HHIPL1: variants seen among roughly 807,000 people sequenced by gnomAD.
HHIPL1 encodes HHIP-like protein 1.
In HHIPL1, 43 loss-of-function variants were observed where a neutral mutation model predicts 61.8. The observed-to-expected ratio is 0.70, with a 90% CI of 0.55 to 0.90. HHIPL1 has a LOEUF of 0.90. Among genes scored for constraint, HHIPL1 ranks in the 40% least tolerant of loss-of-function variants. The pLI is 0.00. For synonymous variants in HHIPL1, 482 were observed against 515.8 expected (o/e 0.93, Z 0.89); for missense variants, 1,056 against 1,157.7 (o/e 0.91, Z 1.28).
rs2056406273 is a variant in HHIPL1, at chr14:99,677,872, A to C, written c.*2246A>C. 1 of 151,860 alleles carries C rather than the reference A, an allele frequency of 6.6e-6. No individual in the cohort carries two copies. Among genetic ancestry groups the C allele is most frequent in the African/African-American group, 2.4e-5 (1 of 41,270 alleles). The allele number at this position is 151,860 out of a possible 1,614,324, so 9.4% of individuals were successfully genotyped here. On this transcript the variant is annotated 3_prime_UTR_variant, in exon 9 of 9. Coordinates refer to ENST00000330710, the MANE Select transcript of HHIPL1 (RefSeq NM_001127258.3). The surrounding 1 kb of genome is among the most constrained non-coding windows in gnomAD (Gnocchi z 4.3). ...CTTCCTCCCCAGCCTCCAACTCATCACCTCTCAGGCCCCAAACCAGGCCTG... is the reference window on the plus strand; with the variant it reads ...CTTCCTCCCCAGCCTCCAACTCATCCCCTCTCAGGCCCCAAACCAGGCCTG...
chr14:99,634,347 C>T, the HHIPL1 span, among the ~76,000 whole-genome samples: 45 of 152,262 alleles, frequency 3.0e-4, no homozygotes, highest in Middle Eastern at 6.8e-3. Flanking sequence ...TGAGGAAGTC[C>T]CCCGTGACGG....
the HHIPL1 span, among the ~76,000 whole-genome samples, chr14:99,607,011 G>A: frequency 1.4e-5 from 2 of 140,118 alleles, no homozygotes; most frequent in Non-Finnish European, 3.1e-5. Context: ...AAATGTCAAC[G>A]TGACTTTGCC....
the HHIPL1 span, among the ~76,000 whole-genome samples, chr14:99,638,963 C>T: frequency 6.6e-6 from 1 of 152,272 alleles, no homozygotes; most frequent in African/African-American, 2.4e-5. Flanking sequence ...ATAGCCAAGT[C>T]AGAGCATTTG....
chr14:99,660,132 AGCCCTGCTGTGGGCACGCC>A lies in HHIPL1; in HGVS notation c.1376-147_1376-129del. Reference sequence around the variant, plus strand: ...CTGCAGACACGCTTTCCACCACGCCAGCCCTGCTGTGGGCACGCCAGCCCTGCTGTGGGCACGCCCCTCC... The same window carrying A: ...CTGCAGACACGCTTTCCACCACGCCAAGCCCTGCTGTGGGCACGCCCCTCC... On this transcript the variant is annotated intron_variant, in intron 4 of 8. Transcript: ENST00000330710. The surrounding 1 kb of genome is among the most constrained non-coding windows in gnomAD (Gnocchi z 4.9). The A allele has an allele frequency of 4.6e-6, 3 of 649,250 alleles. No homozygotes were observed. The highest frequency in any genetic ancestry group is 5.2e-5 in the South Asian group (2 of 38,108). The allele number at this position is 649,250 out of a possible 1,614,324, so 40.2% of individuals were successfully genotyped here. A position where few individuals can be genotyped will look rare whatever the true frequency, so the allele number is the denominator to read the frequency against.
At chr14:99,674,655 G>C (rs1366172481) in intron 8 of HHIPL1, among the ~76,000 whole-genome samples, 2 of 152,120 alleles carry the variant, frequency 1.3e-5, no homozygotes, top group Non-Finnish European at 2.9e-5. Flanking sequence ...TCACAACCAA[G>C]GCCTGGAAGA....
intron 4 of HHIPL1, 51 bp downstream of exon 4, chr14:99,659,807 C>T: frequency 7.8e-7 from 1 of 1,283,960 alleles, no homozygotes; most frequent in Non-Finnish European, 9.9e-7. Context: ...CCCCACCCCA[C>T]CCCACCTGCT....
At chr14:99,645,105 C>A, upstream of HHIPL1, 6 of 1,051,342 alleles carry the variant, frequency 5.7e-6, no homozygotes, top group Non-Finnish European at 7.3e-6. Context: ...CGAGGCCCTG[C>A]GTGTAGGGAA....
chr14:99,631,106 T>TTCTTTCTTTC, the HHIPL1 span, among the ~76,000 whole-genome samples: 66 of 121,520 alleles, frequency 5.4e-4, no homozygotes, highest in African/African-American at 2.0e-3. Flanking sequence ...CTTTCTTTCT[T>TTCTTTCTTTC]TCTCTCTCTT....
At chr14:99,648,918 G>C (rs959118667) in intron 1 of HHIPL1, among the ~76,000 whole-genome samples, 6 of 152,210 alleles carry the variant, frequency 3.9e-5, no homozygotes, top group Admixed American at 3.3e-4. Flanking sequence ...CATGGGGGTG[G>C]CAAACTCTGG....
the HHIPL1 span, among the ~76,000 whole-genome samples, chr14:99,636,864 G>A: frequency 1.3e-5 from 2 of 151,032 alleles, no homozygotes; most frequent in Non-Finnish European, 2.9e-5. Flanking sequence ...GTGCATGCCT[G>A]TAGTCCCAGC....
chr14:99,605,376 G>GCGGGC, the HHIPL1 span, among the ~76,000 whole-genome samples: 1 of 145,370 alleles, frequency 6.9e-6, no homozygotes, highest in Non-Finnish European at 1.5e-5. Flanking sequence ...AGCAGGCGGG[G>GCGGGC]CGGGGCGGGG....
At chr14:99,634,047 G>A in the HHIPL1 span, among the ~76,000 whole-genome samples, 2 of 152,220 alleles carry the variant, frequency 1.3e-5, no homozygotes, top group Non-Finnish European at 2.9e-5. Flanking sequence ...AGACTCGGTG[G>A]TGAGGAAAGG....
At chr14:99,652,014 A>C (rs1371540422) in intron 1 of HHIPL1, among the ~76,000 whole-genome samples, 1 of 152,256 alleles carries the variant, frequency 6.6e-6, no homozygotes, top group South Asian at 2.1e-4. Flanking sequence ...TATTAATAGG[A>C]GTAGTAATAG....
chr14:99,660,513 C>T lies in HHIPL1; in HGVS notation c.1502+107C>T. 1.5e-6 allele frequency: 2 copies of T among 1,377,368 alleles called. No homozygotes were observed. The highest frequency in any genetic ancestry group is 2.0e-6 in the Non-Finnish European group (2 of 1,002,814). 85.3% of individuals were successfully genotyped at this position (1,377,368 alleles called of 1,614,324 possible). A position where few individuals can be genotyped will look rare whatever the true frequency, so the allele number is the denominator to read the frequency against. On this transcript the variant is annotated intron_variant, in intron 5 of 8. Coordinates refer to ENST00000330710, the MANE Select transcript of HHIPL1 (RefSeq NM_001127258.3). This position sits in a 1 kb window ranked among gnomAD's most constrained non-coding sequence, Gnocchi z 4.9. ...TGTGCGCCCGTTCCTGCACATGTGC[C>T]TCGCTGCTCTGACAGGGGCCCCTAG...
At chr14:99,664,929 T>TC (rs1319925918) in intron 6 of HHIPL1, among the ~76,000 whole-genome samples, 3 of 150,508 alleles carry the variant, frequency 2.0e-5, no homozygotes, top group Admixed American at 1.3e-4. Flanking sequence ...TTTTTTTTTT[T>TC]CCAAGACTGA....
chr14:99,636,101 T>C, the HHIPL1 span, among the ~76,000 whole-genome samples: 1 of 152,202 alleles, frequency 6.6e-6, no homozygotes, highest in African/African-American at 2.4e-5. Flanking sequence ...GACCTGATTA[T>C]GACTAGCTGT....
intron 2 of HHIPL1, among the ~76,000 whole-genome samples, chr14:99,654,735 T>C (rs547223115): frequency 9.3e-4 from 142 of 152,338 alleles, no homozygotes; most frequent in African/African-American, 3.3e-3. Context: ...TTCACAGCAT[T>C]AGTTTTGACT....
At chr14:99,656,836 A>AAAGAAAGAAAGAAAGGAAGGAAGGAAGG (rs2056044534) in intron 2 of HHIPL1, among the ~76,000 whole-genome samples, 164 bp from the exon 3 acceptor site, 1 of 7,094 alleles carries the variant, frequency 1.4e-4, no homozygotes, top group African/African-American at 2.4e-4. Flanking sequence ...AGAAAGAAAG[A>AAAGAAAGAAAGAAAGGAAGGAAGGAAGG]AAGGAAGGAA....
the HHIPL1 span, among the ~76,000 whole-genome samples, chr14:99,614,524 T>C: frequency 6.6e-6 from 1 of 152,108 alleles, no homozygotes; most frequent in Non-Finnish European, 1.5e-5. Flanking sequence ...GGAAAGCATG[T>C]GAAATGCAGA....
Sources: gnomAD v4.1 joint callset for allele counts (sites outside exome capture counted in the v4.1 genomes callset) on GRCh38, gnomAD v4.1.1 for gene constraint, Gnocchi (gnomAD v3.1) non-coding constraint, MANE v1.5 for transcripts, NCBI Gene and HGNC (gene_info 2026-07-23, HGNC 2026-07-21) for gene names.